The following PEG3 variants were observed in gnomAD, a reference collection of about 807,000 sequenced individuals.
PEG3 encodes paternally expressed 3.
In PEG3, 23 loss-of-function variants were observed where a neutral mutation model predicts 35.5. The observed-to-expected ratio is 0.65, with a 90% CI of 0.47 to 0.92. The LOEUF is 0.92. PEG3 is among the 40% of genes least tolerant of loss of function. The pLI, the probability that PEG3 is intolerant of heterozygous loss-of-function variation, is 0.00. For synonymous variants in PEG3, 707 were observed against 697.0 expected, an observed-to-expected ratio of 1.01 and a Z score of -0.23; for missense variants, 1,960 against 1,985.3, an observed-to-expected ratio of 0.99 and a Z score of 0.24.
chr19:56,817,255 A>AAATGATAGC lies in PEG3; in HGVS notation c.1178_1186dup (p.His395_Phe396insCysTyrHis). The AAATGATAGC allele has an allele frequency of 6.2e-7, 1 of 1,614,192 alleles. No individual in the cohort carries two copies. The highest frequency in any genetic ancestry group is 8.5e-7 in the Non-Finnish European group (1 of 1,180,012). The stretch of plus-strand genomic sequence containing the variant: ...AATCGAGCCCTTCCCATCTGTGTCA[A>AAATGATAGC]AATGATAGCGCCTCTTTCTTTCAAG... On this transcript the variant is annotated inframe_insertion, in exon 10 of 10. Coordinates refer to ENST00000326441, the MANE Select transcript of PEG3 (RefSeq NM_006210.3).
chr19:56,831,052 G>A (rs768684254), intron 2 of PEG3, among the ~76,000 whole-genome samples: 5 of 152,154 alleles, frequency 3.3e-5, no homozygotes, highest in Non-Finnish European at 7.3e-5. Flanking sequence ...TTTTGAGGTG[G>A]GGAGTTTTGA....
In PEG3 at chr19:56,817,231, A is replaced by G. The variant is rs764281298; in HGVS notation, c.1211T>C (p.Ile404Thr). Reference sequence around the variant, plus strand: ...CCTGGGACAGCCTTTTTGATCGTGAATCGAGCCCTTCCCATCTGTGTCAAA... The same window carrying G: ...CCTGGGACAGCCTTTTTGATCGTGAGTCGAGCCCTTCCCATCTGTGTCAAA... The part of the protein sequence containing the change: ...YHFDTDGKGS[I>T]HDQKGCPRKK... Residue 404 changes from isoleucine to threonine, a missense_variant, in exon 10 of 10, where the codon ATT (isoleucine) becomes ACT (threonine). Ile to Thr is a moderately conservative substitution (Grantham distance 89). Around this residue, in one of 5 missense-constraint regions of PEG3, gnomAD observed 613 missense variants for 577.1 expected, o/e 1.06. Coordinates refer to ENST00000326441, the MANE Select transcript of PEG3 (RefSeq NM_006210.3). 1 of 1,614,142 alleles carries G rather than the reference A, an allele frequency of 6.2e-7. No homozygotes were observed. The highest frequency in any genetic ancestry group is 8.5e-7 in the Non-Finnish European group (1 of 1,179,994).
Position 56,813,459 on chromosome 19 carries a change from C to G in PEG3, c.*216G>C, listed in dbSNP as rs902629495. 5 of 1,378,262 alleles carry G rather than the reference C, an allele frequency of 3.6e-6. No individual in the cohort carries two copies. The highest frequency in any genetic ancestry group is 1.4e-5 in the African/African-American group (1 of 69,038). The allele number at this position is 1,378,262 out of a possible 1,614,324, so 85.4% of individuals were successfully genotyped here. On this transcript the variant is annotated 3_prime_UTR_variant, in exon 10 of 10. Transcript: ENST00000326441. ...AGGTAAGATGTGTGCTATGGCTTTC[C>G]CACATGCAGACACTGACATCTGAAG...
In PEG3 at chr19:56,812,124, A is replaced by C. The variant is rs2059582929; in HGVS notation, c.*1551T>G. 1.0e-6 allele frequency: 1 copy of C among 967,098 alleles called. No individual in the cohort carries two copies. The highest frequency in any genetic ancestry group is 1.2e-6 in the Non-Finnish European group (1 of 813,440). 59.9% of individuals were successfully genotyped at this position (967,098 alleles called of 1,614,324 possible). A position where few individuals can be genotyped will look rare whatever the true frequency, so the allele number is the denominator to read the frequency against. The stretch of plus-strand genomic sequence containing the variant: ...TACATTTTGCAAATCTTTTTTTTTA[A>C]ATTTTTTAAATTTTATATTTTTTTT... On this transcript the variant is annotated 3_prime_UTR_variant, in exon 10 of 10. Coordinates refer to ENST00000326441, the MANE Select transcript of PEG3 (RefSeq NM_006210.3).
chr19:56,824,877 G>T, intron 3 of PEG3, 136 bp from the exon 4 acceptor site: 1 of 528,570 alleles, frequency 1.9e-6, no homozygotes, highest in Non-Finnish European at 3.4e-6. Context: ...ACCGCACAAA[G>T]TTGGCCTCAG....
chr19:56,821,611 G>GGCCTTTC (rs1335116046), intron 7 of PEG3, 40 bp downstream of exon 7: 1 of 1,607,828 alleles, frequency 6.2e-7, no homozygotes, highest in South Asian at 1.1e-5. Flanking sequence ...GCCATGAAAT[G>GGCCTTTC]AAGATGGCCT....
At chr19:56,820,959 T>A (rs1312966432) in intron 7 of PEG3, among the ~76,000 whole-genome samples, 1 of 152,210 alleles carries the variant, frequency 6.6e-6, no homozygotes, top group Non-Finnish European at 1.5e-5. Flanking sequence ...CACTCCACCA[T>A]GTATAAGTGA....
At chr19:56,827,933 G>A (rs2061210578) in intron 2 of PEG3, among the ~76,000 whole-genome samples, 2 of 152,154 alleles carry the variant, frequency 1.3e-5, no homozygotes, top group Non-Finnish European at 2.9e-5. Flanking sequence ...CTCTGGGGAA[G>A]GGAACTAGGG....
Position 56,813,181 on chromosome 19 carries a change from T to TGGAGGC in PEG3, c.*493_*494insGCCTCC, listed in dbSNP as rs1568607848. 1.0e-6 allele frequency: 1 copy of TGGAGGC among 977,870 alleles called. No homozygotes were observed. Among genetic ancestry groups the TGGAGGC allele is most frequent in the Admixed American group, 6.5e-5 (1 of 15,344 alleles). 60.6% of individuals were successfully genotyped at this position (977,870 alleles called of 1,614,324 possible). ...AAGACACTTAAAAATATAATCAAAT[T>TGGAGGC]TGTTGCTCTCTTCCTCCTCCAAAAA... On this transcript the variant is annotated 3_prime_UTR_variant, in exon 10 of 10. Coordinates refer to ENST00000326441, the MANE Select transcript of PEG3 (RefSeq NM_006210.3).
rs2191432 is a variant in PEG3, at chr19:56,818,669, C to T, written c.703G>A (p.Ala235Thr). Residue 235 changes from alanine to threonine, a missense_variant, in exon 8 of 10, where the codon GCT (alanine) becomes ACT (threonine). Physicochemically the swap from Ala to Thr is moderately conservative, Grantham distance 58. Around this residue, in one of 5 missense-constraint regions of PEG3, gnomAD observed 613 missense variants for 577.1 expected, o/e 1.06. Transcript: ENST00000326441. ...AESYQNVVDL[A>T]EDRKPHNTIQ... ...GTGTTGTGAGGTTTCCTGTCCTCAG[C>T]GAGGTCCACCACATTTTGGTATGAT... 7.8e-3 allele frequency: 12,536 copies of T among 1,614,114 alleles called. 1,008 individuals carry two copies. In the East Asian group the frequency reaches 0.2, roughly 26 times the overall value.
Position 56,813,604 on chromosome 19 carries a change from G to A in PEG3, c.*71C>T, listed in dbSNP as rs539238902. On this transcript the variant is annotated 3_prime_UTR_variant, in exon 10 of 10. Transcript: ENST00000326441. ...TCTCCTACTGACATTATCATGGATT[G>A]GTTTGGATTCTCTGTGGTTTGGTAA... 4.6e-4 allele frequency: 699 copies of A among 1,525,778 alleles called. 1 individual carries two copies. Among genetic ancestry groups the A allele is most frequent in the Non-Finnish European group, 5.8e-4 (663 of 1,133,834 alleles). The allele number at this position is 1,525,778 out of a possible 1,614,324, so 94.5% of individuals were successfully genotyped here.
At chr19:56,839,982 A>C (rs915487758) in intron 1 of PEG3, among the ~76,000 whole-genome samples, 2 of 152,210 alleles carry the variant, frequency 1.3e-5, no homozygotes, top group African/African-American at 2.4e-5. Flanking sequence ...AAACCCCTAC[A>C]GGCAGGACAG....
In PEG3 at chr19:56,813,186, GCT is replaced by G. The variant is rs2059656271; in HGVS notation, c.*487_*488del. The stretch of plus-strand genomic sequence containing the variant: ...ACTTAAAAATATAATCAAATTTGTT[GCT>G]CTCTTCCTCCTCCAAAAAAAAAAAA... On this transcript the variant is annotated 3_prime_UTR_variant, in exon 10 of 10. Coordinates refer to ENST00000326441, the MANE Select transcript of PEG3 (RefSeq NM_006210.3). 1.0e-6 allele frequency: 1 copy of G among 969,532 alleles called. No individual in the cohort carries two copies. The allele number at this position is 969,532 out of a possible 1,614,324, so 60.1% of individuals were successfully genotyped here.
At chr19:56,825,295 A>G (rs2060911849) in intron 3 of PEG3, among the ~76,000 whole-genome samples, 1 of 152,262 alleles carries the variant, frequency 6.6e-6, no homozygotes, top group Non-Finnish European at 1.5e-5. Flanking sequence ...CAAAAATATT[A>G]AAAGTACTCA....
In PEG3 at chr19:56,814,100, C is replaced by G; in HGVS notation, c.4342G>C (p.Gly1448Arg). 1.2e-6 allele frequency: 2 copies of G among 1,614,194 alleles called. No individual in the cohort carries two copies. Among genetic ancestry groups the G allele is most frequent in the Non-Finnish European group, 1.7e-6 (2 of 1,180,032 alleles). The change falls in exon 10 of 10, where the codon GGG (glycine) becomes CGG (arginine). Residue 1448 changes from glycine to arginine, a missense_variant. By Grantham distance (125) the Gly-to-Arg change is moderately radical. Transcript: ENST00000326441. This position sits in a 1 kb window ranked among gnomAD's most constrained non-coding sequence, Gnocchi z 5.8. ...GCACCATCTGGCTCATCAGCATCCC[C>G]ATTTGGCTGCTCGGCCTCTCCATTT... Reference protein sequence around the residue: ...QPNGEAEQPNGDADEPDGAGI... With the variant: ...QPNGEAEQPNRDADEPDGAGI...
intron 2 of PEG3, 88 bp downstream of exon 2, chr19:56,835,930 C>T (rs1391025289): frequency 2.2e-6 from 1 of 455,550 alleles, no homozygotes; most frequent in African/African-American, 2.0e-5. Flanking sequence ...ATGTGGAACA[C>T]ATATGCAGTA....
At position 56,817,414 on chromosome 19, in the gene PEG3, C is replaced by G; in HGVS notation, c.1028G>C (p.Arg343Thr). The G allele has an allele frequency of 6.2e-7, 1 of 1,614,138 alleles. No individual in the cohort carries two copies. Among genetic ancestry groups the G allele is most frequent in the Non-Finnish European group, 8.5e-7 (1 of 1,180,008 alleles). The stretch of plus-strand genomic sequence containing the variant: ...GTCCTTCCAGTTATCATCTGACATT[C>G]TGGGGAATCTCTGTGACCGGTCGCT... ...ESSDRSQRFPRMSDDNWKDIS... is the reference protein window; with the variant it reads ...ESSDRSQRFPTMSDDNWKDIS... Residue 343 changes from arginine (R) to threonine (T), a missense_variant, in exon 10 of 10, where the codon AGA becomes ACA. Physicochemically the swap from Arg to Thr is moderately conservative, Grantham distance 71 (BLOSUM62 -1). Transcript: ENST00000326441.
intron 1 of PEG3, among the ~76,000 whole-genome samples, chr19:56,839,018 G>A (rs1255120083): frequency 3.3e-5 from 5 of 151,200 alleles, no homozygotes; most frequent in African/African-American, 1.2e-4. Flanking sequence ...CAACGCCTGC[G>A]CGGCAAACCT....
intron 1 of PEG3, among the ~76,000 whole-genome samples, chr19:56,838,815 C>A (rs1429091211): frequency 6.6e-6 from 1 of 152,222 alleles, no homozygotes; most frequent in African/African-American, 2.4e-5. Context: ...CTTTCCATCA[C>A]CGCAAGGCAG....
Sources: allele counts gnomAD v4.1 joint callset (sites outside exome capture counted in the v4.1 genomes callset), GRCh38; gene constraint gnomAD v4.1.1; regional missense constraint gnomAD v4.1.1; non-coding constraint Gnocchi (gnomAD v3.1); transcripts MANE v1.5; gene names NCBI Gene and HGNC (gene_info 2026-07-23, HGNC 2026-07-21).